SYN3: variants seen among roughly 807,000 people sequenced by gnomAD.
SYN3 encodes the protein synapsin III.
A neutral mutation model predicts 65.8 loss-of-function variants in SYN3; 35 were observed. That is an observed-to-expected ratio of 0.53 (90% CI 0.41 to 0.70). The LOEUF (loss-of-function observed/expected upper bound fraction) is 0.70. SYN3 is among the 30% of genes least tolerant of loss of function. The probability of loss-of-function intolerance (pLI) is 0.00; values close to 1 mark genes in which losing one functional copy is unlikely to be tolerated. For synonymous variants in SYN3, 270 were observed against 292.9 expected (o/e 0.92, Z 0.80); for missense variants, 680 against 749.0 (o/e 0.91, Z 1.08).
chr22:32,616,484 C>A (rs922279471), intron 6 of SYN3, among the ~76,000 whole-genome samples: 31 of 152,224 alleles, frequency 2.0e-4, no homozygotes, highest in African/African-American at 7.0e-4. Flanking sequence ...AGTAGCCGCA[C>A]AGACACAGGG....
intron 4 of SYN3, among the ~76,000 whole-genome samples, chr22:32,870,614 T>C (rs2048824075): frequency 1.3e-5 from 2 of 152,210 alleles, no homozygotes; most frequent in African/African-American, 2.4e-5. Context: ...AGTTCCCTTT[T>C]TAAGGTACAT....
At position 32,864,471 on chromosome 22, in the gene SYN3, G is replaced by T. The variant is rs182460172; in HGVS notation, c.711+444C>A. On this transcript the variant is annotated intron_variant, in intron 6 of 13. Transcript: ENST00000358763. Reference sequence around the variant, plus strand: ...CATTCAGAAATTGGAAAGTGAAGAGGACATGTAAGGAAACTGCCCTTCAAC... The same window carrying T: ...CATTCAGAAATTGGAAAGTGAAGAGTACATGTAAGGAAACTGCCCTTCAAC... 195 of 159,220 alleles carry T rather than the reference G, an allele frequency of 1.2e-3. 4 individuals carry two copies. In the South Asian group the frequency reaches 0.015, roughly 12 times the overall value. 9.9% of individuals were successfully genotyped at this position (159,220 alleles called of 1,614,324 possible). A position where few individuals can be genotyped will look rare whatever the true frequency, so the allele number is the denominator to read the frequency against.
At position 32,801,875 on chromosome 22, in the gene SYN3, G is replaced by A; in HGVS notation, c.711+63040C>T. The stretch of plus-strand genomic sequence containing the variant: ...CCGGGCACTCGGAGGGCAGCGCGCC[G>A]GAGGCCAAGGTTGCCCCGCACGGCC... On this transcript the variant is annotated intron_variant, in intron 6 of 13. Transcript: ENST00000358763. The surrounding 1 kb of genome is among the most constrained non-coding windows in gnomAD (Gnocchi z 4.7). 6.6e-6 allele frequency: 8 copies of A among 1,207,706 alleles called. No individual in the cohort carries two copies. Among genetic ancestry groups the A allele is most frequent in the Admixed American group, 4.4e-5 (1 of 22,478 alleles). The allele number at this position is 1,207,706 out of a possible 1,614,324, so 74.8% of individuals were successfully genotyped here.
chr22:32,914,848 G>A (rs2050148075), intron 4 of SYN3, among the ~76,000 whole-genome samples: 1 of 152,138 alleles, frequency 6.6e-6, no homozygotes, highest in South Asian at 2.1e-4. Flanking sequence ...GAAAACAAAG[G>A]AAGGCTATAG....
chr22:32,759,186 C>T (rs2045382190), intron 6 of SYN3, among the ~76,000 whole-genome samples: 1 of 152,130 alleles, frequency 6.6e-6, no homozygotes, highest in South Asian at 2.1e-4. Flanking sequence ...CTTGCCTTTC[C>T]ACTGCTGCAT....
At chr22:32,693,629 T>C (rs1038352637) in intron 6 of SYN3, among the ~76,000 whole-genome samples, 2 of 139,634 alleles carry the variant, frequency 1.4e-5, no homozygotes, top group African/African-American at 2.9e-5. Flanking sequence ...ACTTGCTCTG[T>C]CACCCAGGCA....
chr22:32,952,140 A>C (rs1393020712), intron 3 of SYN3, among the ~76,000 whole-genome samples: 1 of 152,258 alleles, frequency 6.6e-6, no homozygotes, highest in African/African-American at 2.4e-5. Flanking sequence ...CCACTCACCT[A>C]GCAGCCCATT....
At chr22:32,722,869 A>C (rs564050962) in intron 6 of SYN3, among the ~76,000 whole-genome samples, 1 of 152,322 alleles carries the variant, frequency 6.6e-6, no homozygotes, top group Non-Finnish European at 1.5e-5. Context: ...CGAGGGCGGG[A>C]GTAGGAGATG....
chr22:32,689,849 T>G (rs2060639374), intron 6 of SYN3, among the ~76,000 whole-genome samples: 1 of 150,928 alleles, frequency 6.6e-6, no homozygotes, highest in African/African-American at 2.4e-5. Flanking sequence ...CAGGGCAGAG[T>G]TTTTCATGAA....
At chr22:32,680,005 T>C (rs2060502572) in intron 6 of SYN3, among the ~76,000 whole-genome samples, 1 of 152,100 alleles carries the variant, frequency 6.6e-6, no homozygotes, top group South Asian at 2.1e-4. Context: ...CACTAGAATA[T>C]AAACTCCATG....
At chr22:32,832,764 T>A (rs908963214) in intron 6 of SYN3, among the ~76,000 whole-genome samples, 3 of 152,086 alleles carry the variant, frequency 2.0e-5, no homozygotes, top group African/African-American at 7.2e-5. Flanking sequence ...AGTCTCACTC[T>A]GTCGTTCAGC....
chr22:33,046,284 T>C (rs1465832062), intron 1 of SYN3, among the ~76,000 whole-genome samples: 1 of 152,242 alleles, frequency 6.6e-6, no homozygotes, highest in Non-Finnish European at 1.5e-5. Context: ...TTTGGAAGTT[T>C]CTTATAAAGT....
At chr22:32,605,232 A>G (rs2059356089) in intron 6 of SYN3, among the ~76,000 whole-genome samples, 1 of 152,112 alleles carries the variant, frequency 6.6e-6, no homozygotes, top group Non-Finnish European at 1.5e-5. Context: ...AGGCAGAGTC[A>G]GGAGGAATGT....
chr22:32,803,426 G>A (rs1253845517), intron 6 of SYN3, among the ~76,000 whole-genome samples: 1 of 152,160 alleles, frequency 6.6e-6, no homozygotes, highest in East Asian at 1.9e-4. Context: ...GAGTGGGGGT[G>A]TGGTGACCAG....
At chr22:32,606,263 C>T (rs749338990) in intron 6 of SYN3, among the ~76,000 whole-genome samples, 3 of 152,148 alleles carry the variant, frequency 2.0e-5, no homozygotes, top group Non-Finnish European at 4.4e-5. Flanking sequence ...GAGCGCGTTA[C>T]GAAGCCTTTG....
intron 6 of SYN3, among the ~76,000 whole-genome samples, chr22:32,691,099 C>G (rs2060655713): frequency 6.6e-6 from 1 of 152,036 alleles, no homozygotes; most frequent in African/African-American, 2.4e-5. Flanking sequence ...TCCCTTTTTT[C>G]TCTCCTACAG....
intron 4 of SYN3, among the ~76,000 whole-genome samples, chr22:32,915,508 G>A (rs2050163919): frequency 6.6e-6 from 1 of 152,188 alleles, no homozygotes; most frequent in Non-Finnish European, 1.5e-5. Flanking sequence ...GGGTAGGATG[G>A]TCAGAGAAGG....
At chr22:32,619,232 A>C (rs1349455264) in intron 6 of SYN3, among the ~76,000 whole-genome samples, 2 of 152,214 alleles carry the variant, frequency 1.3e-5, no homozygotes, top group Non-Finnish European at 2.9e-5. Context: ...TAACCATATG[A>C]TCGTGGCTAA....
chr22:32,748,981 G>A (rs143008680), intron 6 of SYN3, among the ~76,000 whole-genome samples: 16 of 152,190 alleles, frequency 1.1e-4, no homozygotes, highest in East Asian at 3.9e-4. Context: ...TTTTGCCCCC[G>A]CTCCCAATTC....
Sources: allele counts gnomAD v4.1 joint callset (sites outside exome capture counted in the v4.1 genomes callset), GRCh38; gene constraint gnomAD v4.1.1; non-coding constraint Gnocchi (gnomAD v3.1); transcripts MANE v1.5; gene names NCBI Gene and HGNC (gene_info 2026-07-23, HGNC 2026-07-21).